Variants in TENM3 observed in about 807,000 individuals in gnomAD.
The protein encoded by TENM3 is teneurin transmembrane protein 3.
TENM3 carries 63 observed loss-of-function variants against 255.1 expected under a neutral mutation model. The observed-to-expected ratio is 0.25, with a 90% confidence interval of 0.20 to 0.30. The LOEUF (loss-of-function observed/expected upper bound fraction) is 0.30, where lower values mean the gene tolerates loss of function less well. Ranked by LOEUF, TENM3 falls within the 10% of genes least tolerant of loss-of-function variation. The pLI, the probability that TENM3 is intolerant of heterozygous loss-of-function variation, is 1.00. For synonymous variants in TENM3, 1,306 were observed against 1,322.3 expected (o/e 0.99, Z 0.27); for missense variants, 2,929 against 3,461.1 (o/e 0.85, Z 3.86).
the TENM3 span, among the ~76,000 whole-genome samples, chr4:181,500,114 C>T: frequency 2.7e-4 from 41 of 151,170 alleles, no homozygotes; most frequent in Middle Eastern, 3.4e-3. Context: ...CTGCAACCTA[C>T]GCCTCTTAGG....
chr4:181,549,337 G>A, the TENM3 span, among the ~76,000 whole-genome samples: 4 of 152,176 alleles, frequency 2.6e-5, no homozygotes, highest in Admixed American at 6.5e-5. Flanking sequence ...ATTCTCCAGC[G>A]TAATGACATG....
chr4:181,810,063 G>T, the TENM3 span, among the ~76,000 whole-genome samples: 1 of 152,040 alleles, frequency 6.6e-6, no homozygotes, highest in East Asian at 1.9e-4. Context: ...CTAATGCAAA[G>T]GTGGCTCGAG....
the TENM3 span, among the ~76,000 whole-genome samples, chr4:182,112,418 A>G: frequency 6.6e-6 from 1 of 152,190 alleles, no homozygotes; most frequent in African/African-American, 2.4e-5. Context: ...AGGAGAAAAA[A>G]CATTATCACT....
chr4:182,552,154 A>G (rs988833833), intron 3 of TENM3, among the ~76,000 whole-genome samples: 1 of 152,254 alleles, frequency 6.6e-6, no homozygotes, highest in Admixed American at 6.5e-5. Flanking sequence ...TGACTTAAAA[A>G]TAATAACTTG....
At chr4:181,748,051 G>T in the TENM3 span, among the ~76,000 whole-genome samples, 1 of 151,950 alleles carries the variant, frequency 6.6e-6, no homozygotes, top group African/African-American at 2.4e-5. Context: ...TAGAGGACAG[G>T]AGTAAGTGCT....
intron 6 of TENM3, among the ~76,000 whole-genome samples, chr4:182,661,668 C>G (rs1172192983): frequency 6.6e-6 from 1 of 152,138 alleles, no homozygotes; most frequent in South Asian, 2.1e-4. Flanking sequence ...AAGATATGTT[C>G]TCTCAGAGAT....
In TENM3 at chr4:182,616,575, G is replaced by GAA. The variant is rs376875213; in HGVS notation, c.750-12060_750-12059dup. On this transcript the variant is annotated intron_variant, in intron 4 of 27. Coordinates refer to ENST00000511685, the MANE Select transcript of TENM3 (RefSeq NM_001080477.4). ...TCAAGACCATCCTGGCTAACACAGT[G>GAA]AAAAAAAAAAAAAAAAAGATAGGTA... Among the ~76,000 whole-genome samples the GAA allele has an allele frequency of 8.0e-4, 77 of 96,228 alleles. 1 individual carries two copies. The highest frequency in any genetic ancestry group is 1.8e-3 in the African/African-American group (48 of 26,106). 63.1% of individuals were successfully genotyped at this position (96,228 alleles called of 152,430 possible). A position where few individuals can be genotyped will look rare whatever the true frequency, so the allele number is the denominator to read the frequency against.
the TENM3 span, among the ~76,000 whole-genome samples, chr4:182,048,847 T>A: frequency 6.6e-6 from 1 of 152,154 alleles, no homozygotes; most frequent in Non-Finnish European, 1.5e-5. Flanking sequence ...CTGTGTCTAT[T>A]ATTCCTGAAC....
the TENM3 span, among the ~76,000 whole-genome samples, chr4:182,057,702 C>G: frequency 1.6e-4 from 24 of 152,166 alleles, no homozygotes; most frequent in East Asian, 3.9e-3. Context: ...CACTGGGCCC[C>G]AAATCGTTCA....
At chr4:181,652,773 A>G in the TENM3 span, among the ~76,000 whole-genome samples, 1 of 152,198 alleles carries the variant, frequency 6.6e-6, no homozygotes, top group Non-Finnish European at 1.5e-5. Flanking sequence ...CAATGTTTTC[A>G]AAAGTGAACT....
At chr4:182,419,238 A>G (rs1770613571) in intron 3 of TENM3, among the ~76,000 whole-genome samples, 1 of 152,216 alleles carries the variant, frequency 6.6e-6, no homozygotes, top group African/African-American at 2.4e-5. Context: ...TCAAAAGAAG[A>G]CATTTATGCA....
chr4:182,722,767 G>C (rs1295370715), intron 13 of TENM3, among the ~76,000 whole-genome samples: 1 of 152,160 alleles, frequency 6.6e-6, no homozygotes. Context: ...CTGGAACCTG[G>C]GAAAACACAC....
rs1247106239 is a variant in TENM3 at position 182,800,545 on chromosome 4, A to C, written c.*194A>C. On this transcript the variant is annotated 3_prime_UTR_variant, in exon 28 of 28. Transcript: ENST00000511685. ...TTAAAGGTGATCGGCTTTAACGAAT[A>C]TGTTTACATATGCATAGCGCTGCAC... The C allele has an allele frequency of 8.2e-6, 5 of 612,452 alleles. No homozygotes were observed. Among genetic ancestry groups the C allele is most frequent in the Non-Finnish European group, 1.4e-5 (5 of 365,204 alleles). 37.9% of individuals were successfully genotyped at this position (612,452 alleles called of 1,614,324 possible). A position where few individuals can be genotyped will look rare whatever the true frequency, so the allele number is the denominator to read the frequency against.
intron 1 of TENM3, among the ~76,000 whole-genome samples, chr4:182,151,703 G>A (rs775798282): frequency 1.4e-4 from 21 of 151,950 alleles, no homozygotes; most frequent in Non-Finnish European, 3.1e-4. Context: ...AGAAACAAAA[G>A]CATCTTGGGC....
At chr4:181,880,691 G>T in the TENM3 span, among the ~76,000 whole-genome samples, 1 of 152,050 alleles carries the variant, frequency 6.6e-6, no homozygotes, top group African/African-American at 2.4e-5. Context: ...AAATTATTTG[G>T]TAAGCTCTAA....
chr4:182,146,545 C>G (rs1197259585), intron 1 of TENM3, among the ~76,000 whole-genome samples: 1 of 151,896 alleles, frequency 6.6e-6, no homozygotes, highest in Non-Finnish European at 1.5e-5. Flanking sequence ...TTTTCTTACA[C>G]GAATTTTATT....
the TENM3 span, among the ~76,000 whole-genome samples, chr4:181,926,025 C>T: frequency 2.0e-5 from 3 of 152,144 alleles, no homozygotes; most frequent in Admixed American, 2.0e-4. Flanking sequence ...AGTCACATGA[C>T]CTCACCCTTT....
At chr4:181,867,222 C>T in the TENM3 span, among the ~76,000 whole-genome samples, 1 of 152,210 alleles carries the variant, frequency 6.6e-6, no homozygotes, top group African/African-American at 2.4e-5. Flanking sequence ...AGTTCCAATC[C>T]CTCTGAAAAA....
At chr4:182,003,482 A>G in the TENM3 span, among the ~76,000 whole-genome samples, 1 of 152,192 alleles carries the variant, frequency 6.6e-6, no homozygotes, top group African/African-American at 2.4e-5. Context: ...AAAATACCTC[A>G]TAATTAATTA....
Sources: gnomAD v4.1 joint callset for allele counts (sites outside exome capture counted in the v4.1 genomes callset) on GRCh38, gnomAD v4.1.1 for gene constraint, MANE v1.5 for transcripts, NCBI Gene and HGNC (gene_info 2026-07-23, HGNC 2026-07-21) for gene names.